The following GPT variants were observed in gnomAD, a reference collection of about 807,000 sequenced individuals.
GPT encodes the protein alanine aminotransferase 1.
In GPT, 60 loss-of-function variants were observed where a neutral mutation model predicts 51.4. The observed-to-expected ratio is 1.17, with a 90% CI of 0.95 to 1.45. The LOEUF is 1.45. Ranked by LOEUF, GPT falls within the 40% of genes most tolerant of loss-of-function variation. GPT has a pLI of 0.00. For synonymous variants in GPT, 397 were observed against 303.1 expected, an observed-to-expected ratio of 1.31 and a Z score of -3.22; for missense variants, 853 against 704.0, an observed-to-expected ratio of 1.21 and a Z score of -2.40.
At position 144,505,370 on chromosome 8, in the gene GPT, A is replaced by G; in HGVS notation, c.620A>G (p.Tyr207Cys). ...AELGAVQVDYYLDEERAWALD... is the reference protein window; with the variant it reads ...AELGAVQVDYCLDEERAWALD... ...CTGGGCGCAGTGCAGGTGGATTACT[A>G]CCTGGACGAGGAGCGTGCCTGGGCG... The change falls in exon 5 of 11, where the codon TAC becomes TGC. Residue 207 changes from tyrosine to cysteine, a missense_variant. By Grantham distance (194) the Tyr-to-Cys change is radical. Coordinates refer to ENST00000394955, the MANE Select transcript of GPT (RefSeq NM_005309.3). 6.3e-7 allele frequency: 1 copy of G among 1,585,876 alleles called. No homozygotes were observed. Among genetic ancestry groups the G allele is most frequent in the East Asian group, 2.3e-5 (1 of 43,526 alleles).
rs765593035 is a variant in GPT at position 144,504,814 on chromosome 8, A to G, written c.296A>G (p.Asn99Ser). Residue 99 changes from asparagine (N) to serine (S), a missense_variant, in exon 3 of 11, where the codon AAC becomes AGC. Asn to Ser is a conservative substitution (Grantham distance 46). Coordinates refer to ENST00000394955, the MANE Select transcript of GPT (RefSeq NM_005309.3). ...CVNPDLLSSP[N>S]FPDDAKKRAE... ...AACCCTGATCTTCTGAGCAGCCCCA[A>G]CTTCCCTGACGATGCCAAGAAAAGG... is the stretch of plus-strand genomic sequence containing the variant. The G allele has an allele frequency of 3.7e-6, 6 of 1,613,488 alleles. No homozygotes were observed. Among genetic ancestry groups the G allele is most frequent in the Admixed American group, 3.3e-5 (2 of 60,006 alleles).
At position 144,505,434 on chromosome 8, in the gene GPT, G is replaced by T; in HGVS notation, c.684G>T (p.Ala228=). ...VAELHRALGQ[A]RDHCRPRALC... is the part of the protein sequence containing the mutation. Reference sequence around the variant, plus strand: ...AGCTTCACCGTGCACTGGGCCAGGCGCGTGACCACTGCCGCCCTCGTGCGC... The same window carrying T: ...AGCTTCACCGTGCACTGGGCCAGGCTCGTGACCACTGCCGCCCTCGTGCGC... The change falls in exon 5 of 11, where the codon GCG becomes GCT. Residue 228 remains alanine, a synonymous_variant. Coordinates refer to ENST00000394955, the MANE Select transcript of GPT (RefSeq NM_005309.3). 6.2e-7 allele frequency: 1 copy of T among 1,600,348 alleles called. No individual in the cohort carries two copies. Among genetic ancestry groups the T allele is most frequent in the Non-Finnish European group, 8.5e-7 (1 of 1,175,648 alleles).
At position 144,504,756 on chromosome 8, in the gene GPT, A is replaced by T. The variant is rs1167275915; in HGVS notation, c.253-15A>T. Reference sequence around the variant, plus strand: ...CCAGCCCATGTGCCCTGGCCTCAGCACTCCGTCTTCCCAGGTCTTGGCCCT... The same window carrying T: ...CCAGCCCATGTGCCCTGGCCTCAGCTCTCCGTCTTCCCAGGTCTTGGCCCT... On this transcript the variant is annotated splice_polypyrimidine_tract_variant and intron_variant, in intron 2 of 10. Coordinates refer to ENST00000394955, the MANE Select transcript of GPT (RefSeq NM_005309.3). The T allele has an allele frequency of 6.2e-7, 1 of 1,607,234 alleles. No individual in the cohort carries two copies. Among genetic ancestry groups the T allele is most frequent in the African/African-American group, 1.3e-5 (1 of 74,598 alleles).
chr8:144,507,096 C>CGTGGG lies in GPT; in HGVS notation c.*97_*98insTGGGG. 1 of 118,526 alleles carries CGTGGG rather than the reference C, an allele frequency of 8.4e-6. No homozygotes were observed. 7.3% of individuals were successfully genotyped at this position (118,526 alleles called of 1,614,324 possible). On this transcript the variant is annotated 3_prime_UTR_variant, in exon 11 of 11. Coordinates refer to ENST00000394955, the MANE Select transcript of GPT (RefSeq NM_005309.3). ...CACTGTACTTGCTCTTGATGCCTGG[C>CGTGGG]GGGGTGGGGTGGGGGGGGTGCTGGG...
Position 144,505,139 on chromosome 8 carries a change from G to A in GPT, c.495+8G>A, listed in dbSNP as rs369853958. ...GCCAGCGATGCCATCGTGGTAGGCT[G>A]GGCATGGGCACCAAGACATTCCTGA... is the stretch of plus-strand genomic sequence containing the variant. On this transcript the variant is annotated splice_region_variant and intron_variant, in intron 4 of 10. Coordinates refer to ENST00000394955, the MANE Select transcript of GPT (RefSeq NM_005309.3). 24 of 1,612,824 alleles carry A rather than the reference G, an allele frequency of 1.5e-5. No homozygotes were observed. Among genetic ancestry groups the A allele is most frequent in the African/African-American group, 8.0e-5 (6 of 74,912 alleles).
rs776744432 is a variant in GPT at position 144,506,922 on chromosome 8, GC to G, written c.1419del (p.Leu474TrpfsTer11). 1 of 1,612,910 alleles carries G rather than the reference GC, an allele frequency of 6.2e-7. No individual in the cohort carries two copies. Among genetic ancestry groups the G allele is most frequent in the Non-Finnish European group, 8.5e-7 (1 of 1,179,952 alleles). The stretch of plus-strand genomic sequence containing the variant: ...CAACTCCTTTCAGGATGACCATTCT[GC>G]CCCCCTTGGAGAAACTGCGGCTGCT... ...GTYHFRMTIL[P>X]PLEKLRLLLE... On this transcript the variant is annotated frameshift_variant, in exon 11 of 11. Coordinates refer to ENST00000394955, the MANE Select transcript of GPT (RefSeq NM_005309.3). LOFTEE classifies it high-confidence loss of function. This position sits in a 1 kb window ranked among gnomAD's most constrained non-coding sequence, Gnocchi z 7.0.
upstream of GPT, among the ~76,000 whole-genome samples, chr8:144,503,289 T>C (rs146813308): frequency 6.6e-6 from 1 of 152,032 alleles, no homozygotes. Flanking sequence ...TGCCCGACGC[T>C]GGGGTGGGCC....
At position 144,507,103 on chromosome 8, in the gene GPT, G is replaced by A; in HGVS notation, c.*103G>A. 1.4e-6 allele frequency: 1 copy of A among 704,204 alleles called. No individual in the cohort carries two copies. The highest frequency in any genetic ancestry group is 2.6e-6 in the Non-Finnish European group (1 of 387,972). The allele number at this position is 704,204 out of a possible 1,614,324, so 43.6% of individuals were successfully genotyped here. A position where few individuals can be genotyped will look rare whatever the true frequency, so the allele number is the denominator to read the frequency against. ...CTTGCTCTTGATGCCTGGCGGGGTG[G>A]GGTGGGGGGGGTGCTGGGCCCCTGC... On this transcript the variant is annotated 3_prime_UTR_variant, in exon 11 of 11. Coordinates refer to ENST00000394955, the MANE Select transcript of GPT (RefSeq NM_005309.3).
chr8:144,506,225 T>C lies in GPT; in HGVS notation c.957-7T>C. On this transcript the variant is annotated splice_region_variant and splice_polypyrimidine_tract_variant and intron_variant, in intron 7 of 10. Coordinates refer to ENST00000394955, the MANE Select transcript of GPT (RefSeq NM_005309.3). The surrounding 1 kb of genome is among the most constrained non-coding windows in gnomAD (Gnocchi z 7.0). Reference sequence around the variant, plus strand: ...CCCTCCTCCGCACCTGACCTGGCCGTGCGCAGGTGCGGGTTCCGCGGCGGC... The same window carrying C: ...CCCTCCTCCGCACCTGACCTGGCCGCGCGCAGGTGCGGGTTCCGCGGCGGC... 6.2e-7 allele frequency: 1 copy of C among 1,606,588 alleles called. No homozygotes were observed. Among genetic ancestry groups the C allele is most frequent in the South Asian group, 1.1e-5 (1 of 90,594 alleles).
At position 144,507,011 on chromosome 8, in the gene GPT, T is replaced by C. The variant is rs769049027; in HGVS notation, c.*11T>C. The C allele has an allele frequency of 2.9e-6, 4 of 1,378,190 alleles. No individual in the cohort carries two copies. The highest frequency in any genetic ancestry group is 3.9e-6 in the Non-Finnish European group (4 of 1,036,038). The allele number at this position is 1,378,190 out of a possible 1,614,324, so 85.4% of individuals were successfully genotyped here. A position where few individuals can be genotyped will look rare whatever the true frequency, so the allele number is the denominator to read the frequency against. ...CTCGAGTACTCCTGAGCACCCCAGCTGGGGCCAGGCTGGGTCGCCCTGGAC... is the reference window on the plus strand; with the variant it reads ...CTCGAGTACTCCTGAGCACCCCAGCCGGGGCCAGGCTGGGTCGCCCTGGAC... On this transcript the variant is annotated 3_prime_UTR_variant, in exon 11 of 11. Transcript: ENST00000394955.
In GPT at chr8:144,504,845, GC is replaced by G. The variant is rs750512145; in HGVS notation, c.328del (p.Arg110AlafsTer22). ...FPDDAKKRAERILQACGGHSL... is the reference protein window; with the variant it reads ...FPDDAKKRAEXILQACGGHSL... ...CTGACGATGCCAAGAAAAGGGCGGAGCGCATCTTGCAGGCGTGTGGGGGCCA... is the reference window on the plus strand; with the variant it reads ...CTGACGATGCCAAGAAAAGGGCGGAGGCATCTTGCAGGCGTGTGGGGGCCA... On this transcript the variant is annotated frameshift_variant, in exon 3 of 11. Coordinates refer to ENST00000394955, the MANE Select transcript of GPT (RefSeq NM_005309.3). LOFTEE classifies it high-confidence loss of function. 1.2e-6 allele frequency: 2 copies of G among 1,613,516 alleles called. No individual in the cohort carries two copies. The highest frequency in any genetic ancestry group is 3.3e-5 in the Admixed American group (2 of 60,032).
At position 144,506,988 on chromosome 8, in the gene GPT, C is replaced by T. The variant is rs111681499; in HGVS notation, c.1479C>T (p.Leu493=). The T allele has an allele frequency of 8.7e-6, 14 of 1,611,868 alleles. No individual in the cohort carries two copies. Among genetic ancestry groups the T allele is most frequent in the African/African-American group, 5.3e-5 (4 of 74,900 alleles). Residue 493 remains leucine (L), a synonymous_variant, in exon 11 of 11, where the codon CTC becomes CTT. Transcript: ENST00000394955. This position sits in a 1 kb window ranked among gnomAD's most constrained non-coding sequence, Gnocchi z 7.0. ...KLSRFHAKFT[L]EYS is the part of the protein sequence containing the mutation. ...GCAGGTTCCATGCCAAGTTCACCCT[C>T]GAGTACTCCTGAGCACCCCAGCTGG...
rs778310245 is a variant in GPT at position 144,505,289 on chromosome 8, CGGGTGT to C, written c.541_546del (p.Gly181_Val182del). 2.5e-6 allele frequency: 4 copies of C among 1,579,142 alleles called. No individual in the cohort carries two copies. Among genetic ancestry groups the C allele is most frequent in the Non-Finnish European group, 3.4e-6 (4 of 1,163,066 alleles). ...GTGGCCGGCGAGGGCCACACACGCA[CGGGTGT>C]GCTCATCCCCATCCCCCAGTACCCA... On this transcript the variant is annotated inframe_deletion, in exon 5 of 11. Transcript: ENST00000394955.
In GPT at chr8:144,504,370, G is replaced by A. The variant is rs1826680279; in HGVS notation, c.66G>A (p.Thr22=). The A allele has an allele frequency of 6.8e-6, 11 of 1,611,550 alleles. No homozygotes were observed. The highest frequency in any genetic ancestry group is 1.7e-4 in the Middle Eastern group (1 of 6,042). The stretch of plus-strand genomic sequence containing the variant: ...ATGGACTGAGGGCGAAGGTGCTGAC[G>A]CTGGACGGCATGAACCCGCGTGTGC... The part of the protein sequence containing the change: ...VRHGLRAKVL[T]LDGMNPRVRR... The change falls in exon 1 of 11, where the codon ACG becomes ACA. Residue 22 remains threonine (T), a synonymous_variant. Coordinates refer to ENST00000394955, the MANE Select transcript of GPT (RefSeq NM_005309.3).
chr8:144,505,474 C>A lies in GPT; in HGVS notation c.724C>A (p.Pro242Thr), dbSNP rs757090626. 6.3e-7 allele frequency: 1 copy of A among 1,588,982 alleles called. No homozygotes were observed. Among genetic ancestry groups the A allele is most frequent in the African/African-American group, 1.3e-5 (1 of 74,430 alleles). ...CCCTCGTGCGCTCTGTGTCATCAAC[C>A]CTGGCAACCCCACCGGTGCGTTCCC... is the stretch of plus-strand genomic sequence containing the variant. ...CRPRALCVIN[P>T]GNPTGQVQTR... Residue 242 changes from proline (P) to threonine (T), a missense_variant, in exon 5 of 11, where the codon CCT (proline) becomes ACT (threonine). Pro to Thr is a conservative substitution (Grantham distance 38). Coordinates refer to ENST00000394955, the MANE Select transcript of GPT (RefSeq NM_005309.3).
intron 5 of GPT, 83 bp from the exon 6 acceptor site, chr8:144,505,765 G>A: frequency 2.6e-6 from 3 of 1,156,932 alleles, no homozygotes; most frequent in Non-Finnish European, 3.5e-6. Context: ...AGGCAGTGCC[G>A]GGTCCGCTGG....
Position 144,506,193 on chromosome 8 carries a change from G to A in GPT, c.957-39G>A. On this transcript the variant is annotated intron_variant, in intron 7 of 10. Coordinates refer to ENST00000394955, the MANE Select transcript of GPT (RefSeq NM_005309.3). This position sits in a 1 kb window ranked among gnomAD's most constrained non-coding sequence, Gnocchi z 7.0. ...ATGGCCAGGCCCTCCTCGCCCGATG[G>A]GCCACCCCCTCCTCCGCACCTGACC... The A allele has an allele frequency of 6.2e-7, 1 of 1,601,668 alleles. No individual in the cohort carries two copies. The highest frequency in any genetic ancestry group is 8.5e-7 in the Non-Finnish European group (1 of 1,175,450).
At chr8:144,503,460 G>A (rs1345078229), upstream of GPT, among the ~76,000 whole-genome samples, 1 of 152,112 alleles carries the variant, frequency 6.6e-6, no homozygotes, top group Non-Finnish European at 1.5e-5. Flanking sequence ...ACCCCCAGCT[G>A]GTGCCTGGTG....
Position 144,505,463 on chromosome 8 carries a change from G to A in GPT, c.713G>A (p.Cys238Tyr). ...GACCACTGCCGCCCTCGTGCGCTCT[G>A]TGTCATCAACCCTGGCAACCCCACC... ...ARDHCRPRAL[C>Y]VINPGNPTGQ... is the part of the protein sequence containing the mutation. The change falls in exon 5 of 11, where the codon TGT becomes TAT. Residue 238 changes from cysteine to tyrosine, a missense_variant. By Grantham distance (194) the Cys-to-Tyr change is radical. Coordinates refer to ENST00000394955, the MANE Select transcript of GPT (RefSeq NM_005309.3). 1 of 1,593,644 alleles carries A rather than the reference G, an allele frequency of 6.3e-7. No homozygotes were observed. The highest frequency in any genetic ancestry group is 8.5e-7 in the Non-Finnish European group (1 of 1,172,556).
Sources: allele counts gnomAD v4.1 joint callset (sites outside exome capture counted in the v4.1 genomes callset), GRCh38; gene constraint gnomAD v4.1.1; non-coding constraint Gnocchi (gnomAD v3.1); transcripts MANE v1.5; gene names NCBI Gene and HGNC (gene_info 2026-07-23, HGNC 2026-07-21).